DIP2B: variants seen among roughly 807,000 people sequenced by gnomAD.
DIP2B encodes disco-interacting protein 2 homolog B.
Under a neutral mutation model 198.0 loss-of-function variants are expected in DIP2B, and 76 were observed. The ratio of observed to expected loss-of-function variants is 0.38; its 90% CI spans 0.32 to 0.46. The LOEUF (loss-of-function observed/expected upper bound fraction) is 0.46, where lower values mean the gene tolerates loss of function less well. Among genes scored for constraint, DIP2B ranks in the 20% least tolerant of loss-of-function variants. The pLI is 0.99. For synonymous variants in DIP2B, 701 were observed against 739.1 expected (o/e 0.95, Z 0.84); for missense variants, 1,559 against 1,978.4 (o/e 0.79, Z 4.02).
intron 1 of DIP2B, among the ~76,000 whole-genome samples, chr12:50,527,444 A>G (rs1408350404): frequency 6.6e-6 from 1 of 152,236 alleles, no homozygotes; most frequent in Non-Finnish European, 1.5e-5. Context: ...TACTTATTAT[A>G]TTGTGAACTT....
At chr12:50,590,938 T>C (rs984861214) in intron 1 of DIP2B, among the ~76,000 whole-genome samples, 10 of 152,194 alleles carry the variant, frequency 6.6e-5, no homozygotes, top group African/African-American at 2.2e-4. Flanking sequence ...TTTTAAGAGA[T>C]GGACTTTTAA....
chr12:50,639,799 G>A (rs1254416512), intron 2 of DIP2B, among the ~76,000 whole-genome samples: 1 of 152,188 alleles, frequency 6.6e-6, no homozygotes, highest in East Asian at 1.9e-4. Context: ...GATGAACCTG[G>A]AGGACATTAT....
chr12:50,681,956 G>A (rs77907301), intron 9 of DIP2B, among the ~76,000 whole-genome samples: 1 of 152,316 alleles, frequency 6.6e-6, no homozygotes, highest in Non-Finnish European at 1.5e-5. Flanking sequence ...AAGTTCAAAA[G>A]TGAACTTCTC....
At chr12:50,545,442 C>G (rs1181824409) in intron 1 of DIP2B, among the ~76,000 whole-genome samples, 2 of 146,944 alleles carry the variant, frequency 1.4e-5, no homozygotes, top group Non-Finnish European at 1.5e-5. Context: ...GTGGCGCCAT[C>G]ACAGCTCACT....
chr12:50,508,039 G>C (rs1042151853), intron 1 of DIP2B, among the ~76,000 whole-genome samples: 2 of 152,126 alleles, frequency 1.3e-5, no homozygotes, highest in African/African-American at 4.8e-5. Context: ...TAATAGATCA[G>C]CCAACTCTGT....
intron 1 of DIP2B, among the ~76,000 whole-genome samples, chr12:50,594,594 G>A (rs1169257031): frequency 6.6e-6 from 1 of 152,130 alleles, no homozygotes; most frequent in Non-Finnish European, 1.5e-5. Context: ...TACCTCATAT[G>A]ATATAGTTTA....
chr12:50,558,646 C>T (rs1958491729), intron 1 of DIP2B, among the ~76,000 whole-genome samples: 1 of 152,156 alleles, frequency 6.6e-6, no homozygotes, highest in African/African-American at 2.4e-5. Flanking sequence ...GTTTTTTCCT[C>T]ATACCTCATT....
At chr12:50,595,586 T>C (rs1450455921) in intron 1 of DIP2B, among the ~76,000 whole-genome samples, 1 of 152,228 alleles carries the variant, frequency 6.6e-6, no homozygotes, top group East Asian at 1.9e-4. Flanking sequence ...ATTACAGGCA[T>C]GAGCCACTGA....
chr12:50,652,832 C>T (rs1027228776), intron 3 of DIP2B, among the ~76,000 whole-genome samples: 1 of 152,040 alleles, frequency 6.6e-6, no homozygotes, highest in Non-Finnish European at 1.5e-5. Flanking sequence ...TTTTTCACCT[C>T]CTCAGTTATG....
At chr12:50,550,933 G>A (rs940334384) in intron 1 of DIP2B, among the ~76,000 whole-genome samples, 9 of 152,026 alleles carry the variant, frequency 5.9e-5, no homozygotes, top group African/African-American at 2.2e-4. Flanking sequence ...AGACCAGCCT[G>A]GGCAACATGG....
intron 1 of DIP2B, among the ~76,000 whole-genome samples, chr12:50,584,320 C>G (rs931179364): frequency 5.3e-5 from 8 of 152,112 alleles, no homozygotes; most frequent in African/African-American, 1.7e-4. Flanking sequence ...AACATGGGAG[C>G]CATCTTAAAT....
At chr12:50,705,521 C>T (rs548834890) in intron 20 of DIP2B, among the ~76,000 whole-genome samples, 1 of 152,232 alleles carries the variant, frequency 6.6e-6, no homozygotes, top group Non-Finnish European at 1.5e-5. Context: ...GCAACACTTT[C>T]ACTTATTGGT....
intron 1 of DIP2B, among the ~76,000 whole-genome samples, chr12:50,585,652 G>C (rs888205017): frequency 2.0e-5 from 3 of 152,172 alleles, no homozygotes; most frequent in Non-Finnish European, 4.4e-5. Flanking sequence ...ACAGGAGTCA[G>C]ATCACTTAAG....
At chr12:50,555,965 T>A (rs770974667) in intron 1 of DIP2B, among the ~76,000 whole-genome samples, 1 of 152,154 alleles carries the variant, frequency 6.6e-6, no homozygotes, top group Non-Finnish European at 1.5e-5. Context: ...CACACACCAA[T>A]CTTTAGAAAT....
intron 11 of DIP2B, 102 bp downstream of exon 11, chr12:50,686,058 A>G (rs1939124853): frequency 8.4e-7 from 1 of 1,186,260 alleles, no homozygotes. Flanking sequence ...TATATGTTCT[A>G]TTTAATTCTC....
Position 50,563,486 on chromosome 12 carries a change from CT to C in DIP2B, c.100+58268del, listed in dbSNP as rs71083598. Among the ~76,000 whole-genome samples the C allele has an allele frequency of 7.4e-3, 859 of 115,500 alleles. 9 individuals carry two copies. The highest frequency in any genetic ancestry group is 0.02 in the African/African-American group (600 of 29,844). 75.8% of individuals were successfully genotyped at this position (115,500 alleles called of 152,430 possible). ...ACAGGTATGAGCCACTGCACCTGGCCTTTTTTTTTTTTTTTTTTTTTTAAAG... is the reference window on the plus strand; with the variant it reads ...ACAGGTATGAGCCACTGCACCTGGCCTTTTTTTTTTTTTTTTTTTTTAAAG... On this transcript the variant is annotated intron_variant, in intron 1 of 37. Transcript: ENST00000301180.
At chr12:50,536,057 CA>C (rs1958262969) in intron 1 of DIP2B, among the ~76,000 whole-genome samples, 1 of 151,546 alleles carries the variant, frequency 6.6e-6, no homozygotes, top group Non-Finnish European at 1.5e-5. Flanking sequence ...CATAGTATTC[CA>C]TGGTGTATAT....
chr12:50,692,831 C>CT, intron 13 of DIP2B, 118 bp from the exon 14 acceptor site: 1 of 830,018 alleles, frequency 1.2e-6, no homozygotes, highest in Non-Finnish European at 1.9e-6. Flanking sequence ...AGGTGAGACT[C>CT]CATCTAAAAG....
At chr12:50,655,750 C>T (rs560313103) in intron 3 of DIP2B, among the ~76,000 whole-genome samples, 2 of 152,268 alleles carry the variant, frequency 1.3e-5, no homozygotes, top group East Asian at 1.9e-4. Flanking sequence ...GAGGCCAAGG[C>T]GGGTGGATTG....
Sources: allele counts gnomAD v4.1 joint callset (sites outside exome capture counted in the v4.1 genomes callset), GRCh38; gene constraint gnomAD v4.1.1; transcripts MANE v1.5; gene names NCBI Gene and HGNC (gene_info 2026-07-23, HGNC 2026-07-21).